The following AGPAT4 variants were observed in gnomAD, a reference collection of about 807,000 sequenced individuals.
The protein encoded by AGPAT4 is 1-acylglycerol-3-phosphate O-acyltransferase 4.
AGPAT4 carries 15 observed loss-of-function variants against 48.0 expected under a neutral mutation model. The observed-to-expected ratio is 0.31, with a 90% CI of 0.21 to 0.48. AGPAT4 has a LOEUF of 0.48. AGPAT4 is among the 20% of genes least tolerant of loss of function. AGPAT4 has a pLI of 0.99. For missense variants in AGPAT4, 314 were observed against 482.5 expected, an observed-to-expected ratio of 0.65 and a Z score of 3.27; for synonymous variants, 178 against 198.7, an observed-to-expected ratio of 0.90 and a Z score of 0.88.
At position 161,137,904 on chromosome 6, in the gene AGPAT4, G is replaced by A. The variant is rs994168915; in HGVS notation, c.1043-1270C>T. ...GCACCCCTCAGATGCTCCTGGAGACGCCCTGTGTCCACACTGCACCCTGGG... is the reference window on the plus strand; with the variant it reads ...GCACCCCTCAGATGCTCCTGGAGACACCCTGTGTCCACACTGCACCCTGGG... On this transcript the variant is annotated intron_variant, in intron 8 of 8. Transcript: ENST00000320285. This position sits in a 1 kb window ranked among gnomAD's most constrained non-coding sequence, Gnocchi z 6.1. 1.3e-5 allele frequency among the ~76,000 whole-genome samples: 2 copies of A among 151,226 alleles called. No homozygotes were observed. The highest frequency in any genetic ancestry group is 4.9e-5 in the African/African-American group (2 of 41,080).
intron 2 of AGPAT4, among the ~76,000 whole-genome samples, chr6:161,224,982 C>T (rs1476572581): frequency 2.0e-5 from 3 of 152,168 alleles, no homozygotes; most frequent in African/African-American, 7.2e-5. Context: ...GTTTCGATTA[C>T]CTGCTCCACC....
rs1562343705 is a variant in AGPAT4, at chr6:161,219,877, AGGCAGGCAGG to A, written c.178+12149_178+12158del. On this transcript the variant is annotated intron_variant, in intron 2 of 8. Coordinates refer to ENST00000320285, the MANE Select transcript of AGPAT4 (RefSeq NM_020133.3). The surrounding 1 kb of genome is among the most constrained non-coding windows in gnomAD (Gnocchi z 4.9). ...TAGATAGATAGATAGATAGATAGGC[AGGCAGGCAGG>A]CAGGCAGGCAGGCAGGCAGGCAGGC... Among the ~76,000 whole-genome samples the A allele has an allele frequency of 7.0e-4, 75 of 106,520 alleles. No individual in the cohort carries two copies. Among genetic ancestry groups the A allele is most frequent in the African/African-American group, 1.2e-3 (37 of 31,242 alleles). The allele number at this position is 106,520 out of a possible 152,430, so 69.9% of individuals were successfully genotyped here. A position where few individuals can be genotyped will look rare whatever the true frequency, so the allele number is the denominator to read the frequency against.
Position 161,165,478 on chromosome 6 carries a change from G to T in AGPAT4, c.348+770C>A. 1 of 734,156 alleles carries T rather than the reference G, an allele frequency of 1.4e-6. No homozygotes were observed. Among genetic ancestry groups the T allele is most frequent in the Non-Finnish European group, 1.9e-6 (1 of 537,808 alleles). 45.5% of individuals were successfully genotyped at this position (734,156 alleles called of 1,614,324 possible). ...TCTGTTCTACAGGGCATTGTTCCCA[G>T]GTGCAAAACCTGATCTCTAAGTTCT... On this transcript the variant is annotated intron_variant, in intron 3 of 8. Coordinates refer to ENST00000320285, the MANE Select transcript of AGPAT4 (RefSeq NM_020133.3). This position sits in a 1 kb window ranked among gnomAD's most constrained non-coding sequence, Gnocchi z 5.5.
intron 1 of AGPAT4, 148 bp downstream of exon 1, chr6:161,273,790 G>GCC (rs1206355528): frequency 1.6e-4 from 8 of 51,448 alleles, no homozygotes; most frequent in East Asian, 5.2e-4. Context: ...CGCCCGCCTT[G>GCC]CACTCCCCCC....
rs954631105 is a variant in AGPAT4, at chr6:161,189,517, C to A, written c.179-23100G>T. On this transcript the variant is annotated intron_variant, in intron 2 of 8. Transcript: ENST00000320285. The surrounding 1 kb of genome is among the most constrained non-coding windows in gnomAD (Gnocchi z 5.3). ...ATTCACTTACTTACAACCTTAGTTG[C>A]CCGTCAGGACTATCCCTCCTCTGCA... Among the ~76,000 whole-genome samples the A allele has an allele frequency of 6.6e-6, 1 of 152,226 alleles. No homozygotes were observed. The highest frequency in any genetic ancestry group is 2.4e-5 in the African/African-American group (1 of 41,460).
At chr6:161,190,291 C>T (rs1780884200) in intron 2 of AGPAT4, among the ~76,000 whole-genome samples, 1 of 151,932 alleles carries the variant, frequency 6.6e-6, no homozygotes, top group Admixed American at 6.6e-5. Flanking sequence ...AATGGAAAAG[C>T]GAGTGAGCAA....
In AGPAT4 at chr6:161,225,806, C is replaced by A. The variant is rs1443696878; in HGVS notation, c.178+6230G>T. 1.3e-5 allele frequency among the ~76,000 whole-genome samples: 2 copies of A among 152,204 alleles called. No individual in the cohort carries two copies. ...TTGTCCCAACAGATAAACTCGTGGG[C>A]CGCTTGCTCAGTCCAGGAGGCAGGG... On this transcript the variant is annotated intron_variant, in intron 2 of 8. Coordinates refer to ENST00000320285, the MANE Select transcript of AGPAT4 (RefSeq NM_020133.3). The surrounding 1 kb of genome is among the most constrained non-coding windows in gnomAD (Gnocchi z 5.0).
intron 2 of AGPAT4, among the ~76,000 whole-genome samples, chr6:161,210,354 C>T (rs553171828): frequency 4.6e-5 from 7 of 152,226 alleles, no homozygotes; most frequent in Non-Finnish European, 1.0e-4. Flanking sequence ...TAGCTGACAG[C>T]TGCCTAGGAT....
chr6:161,228,660 G>GAAAAAAAAAAAAAAAAAAA (rs1562347784), intron 2 of AGPAT4, among the ~76,000 whole-genome samples: 2 of 53,020 alleles, frequency 3.8e-5, no homozygotes, highest in African/African-American at 1.8e-4. Flanking sequence ...TGTCAGAGAG[G>GAAAAAAAAAAAAAAAAAAA]TAAAAAAAAA....
rs896039184 is a variant in AGPAT4, at chr6:161,244,250, G to T, written c.-89-11948C>A. Among the ~76,000 whole-genome samples the T allele has an allele frequency of 1.3e-5, 2 of 152,130 alleles. No homozygotes were observed. The highest frequency in any genetic ancestry group is 2.9e-5 in the Non-Finnish European group (2 of 68,020). On this transcript the variant is annotated intron_variant, in intron 1 of 8. Coordinates refer to ENST00000320285, the MANE Select transcript of AGPAT4 (RefSeq NM_020133.3). The surrounding 1 kb of genome is among the most constrained non-coding windows in gnomAD (Gnocchi z 4.7). ...TAGGTCACAGTGCCGTCTGCCTCCC[G>T]CAAAGAAGCAGGAAGTCTTCCGGGC...
chr6:161,173,020 A>C (rs781415791), intron 2 of AGPAT4, among the ~76,000 whole-genome samples: 5 of 152,122 alleles, frequency 3.3e-5, no homozygotes, highest in African/African-American at 9.7e-5. Flanking sequence ...ATATGTGCCA[A>C]ATTTTCTTAA....
At chr6:161,190,587 G>A (rs13191415) in intron 2 of AGPAT4, among the ~76,000 whole-genome samples, 21,260 of 131,254 alleles carry the variant, frequency 0.16, 2,521 homozygotes, top group African/African-American at 0.35. Context: ...GAAACCAAGG[G>A]AAAAAAAAAA....
chr6:161,169,015 A>G lies in AGPAT4; in HGVS notation c.179-2598T>C, dbSNP rs1019901978. Among the ~76,000 whole-genome samples the G allele has an allele frequency of 1.3e-5, 2 of 152,158 alleles. No homozygotes were observed. The highest frequency in any genetic ancestry group is 1.3e-4 in the Admixed American group (2 of 15,278). ...GGCATAGCAGGCAATCAATAAATGGACAGCTTTTTAATTACTATTATATGC... is the reference window on the plus strand; with the variant it reads ...GGCATAGCAGGCAATCAATAAATGGGCAGCTTTTTAATTACTATTATATGC... On this transcript the variant is annotated intron_variant, in intron 2 of 8. Coordinates refer to ENST00000320285, the MANE Select transcript of AGPAT4 (RefSeq NM_020133.3). The surrounding 1 kb of genome is among the most constrained non-coding windows in gnomAD (Gnocchi z 5.0).
rs543347519 is a variant in AGPAT4 at position 161,139,216 on chromosome 6, C to T, written c.1042+206G>A. ...TCCAGCCCCAGGTGGGAGGCTGGAC[C>T]GTCCAGGCTGCGGAGGGGGTCCCAG... On this transcript the variant is annotated intron_variant, in intron 8 of 8. Transcript: ENST00000320285. This position sits in a 1 kb window ranked among gnomAD's most constrained non-coding sequence, Gnocchi z 9.1. Among the ~76,000 whole-genome samples the T allele has an allele frequency of 1.2e-4, 18 of 152,268 alleles. 1 individual carries two copies. The Middle Eastern group carries it at 0.017, about 144-fold the overall frequency.
In AGPAT4 at chr6:161,189,509, C is replaced by T. The variant is rs1268294287; in HGVS notation, c.179-23092G>A. 6.6e-6 allele frequency among the ~76,000 whole-genome samples: 1 copy of T among 152,222 alleles called. No homozygotes were observed. The highest frequency in any genetic ancestry group is 2.4e-5 in the African/African-American group (1 of 41,456). On this transcript the variant is annotated intron_variant, in intron 2 of 8. Coordinates refer to ENST00000320285, the MANE Select transcript of AGPAT4 (RefSeq NM_020133.3). The surrounding 1 kb of genome is among the most constrained non-coding windows in gnomAD (Gnocchi z 5.3). ...CATGCGGAATTCACTTACTTACAACCTTAGTTGCCCGTCAGGACTATCCCT... is the reference window on the plus strand; with the variant it reads ...CATGCGGAATTCACTTACTTACAACTTTAGTTGCCCGTCAGGACTATCCCT...
At position 161,272,773 on chromosome 6, in the gene AGPAT4, A is replaced by AACTGAGAGGTC. The variant is rs1783466623; in HGVS notation, c.-90+1164_-90+1165insGACCTCTCAGT. Among the ~76,000 whole-genome samples the AACTGAGAGGTC allele has an allele frequency of 6.6e-6, 1 of 151,570 alleles. No homozygotes were observed. The highest frequency in any genetic ancestry group is 6.6e-5 in the Admixed American group (1 of 15,236). ...CCTTCTCTCAAGATACTTTTTTTCCAACTGAGAGTCGTTGACTAATCACAG... is the reference window on the plus strand; with the variant it reads ...CCTTCTCTCAAGATACTTTTTTTCCAACTGAGAGGTCACTGAGAGTCGTTGACTAATCACAG... On this transcript the variant is annotated intron_variant, in intron 1 of 8. Coordinates refer to ENST00000320285, the MANE Select transcript of AGPAT4 (RefSeq NM_020133.3). The surrounding 1 kb of genome is among the most constrained non-coding windows in gnomAD (Gnocchi z 4.2).
At chr6:161,153,007 C>T (rs533583467) in intron 5 of AGPAT4, among the ~76,000 whole-genome samples, 20 of 152,198 alleles carry the variant, frequency 1.3e-4, no homozygotes, top group Admixed American at 6.5e-4. Flanking sequence ...GCAAGAAATG[C>T]CCCTCAAACC....
chr6:161,247,722 A>G (rs149011375), intron 1 of AGPAT4, among the ~76,000 whole-genome samples: 2 of 152,136 alleles, frequency 1.3e-5, no homozygotes, highest in East Asian at 3.9e-4. Flanking sequence ...GGTGGCTTAC[A>G]CCTGTAATCA....
rs1005205604 is a variant in AGPAT4 at position 161,222,913 on chromosome 6, C to T, written c.178+9123G>A. 5.3e-5 allele frequency among the ~76,000 whole-genome samples: 8 copies of T among 152,170 alleles called. No homozygotes were observed. Among genetic ancestry groups the T allele is most frequent in the Non-Finnish European group, 1.0e-4 (7 of 68,022 alleles). ...TGGCTGCCTGAATAAACCCATTTAG[C>T]CACTTGGTGATGCCAGCATATGCTC... On this transcript the variant is annotated intron_variant, in intron 2 of 8. Coordinates refer to ENST00000320285, the MANE Select transcript of AGPAT4 (RefSeq NM_020133.3). This position sits in a 1 kb window ranked among gnomAD's most constrained non-coding sequence, Gnocchi z 5.9.
Sources: gnomAD v4.1 joint callset for allele counts (sites outside exome capture counted in the v4.1 genomes callset) on GRCh38, gnomAD v4.1.1 for gene constraint, Gnocchi (gnomAD v3.1) non-coding constraint, MANE v1.5 for transcripts, NCBI Gene and HGNC (gene_info 2026-07-23, HGNC 2026-07-21) for gene names.